MAGEA11: variants seen among roughly 807,000 people sequenced by gnomAD.
MAGEA11 encodes MAGE family member A11.
Under a neutral mutation model 8.4 loss-of-function variants are expected in MAGEA11, and 1 was observed. The observed-to-expected ratio is 0.12, with a 90% CI of 0.04 to 0.57. The LOEUF (loss-of-function observed/expected upper bound fraction) is 0.57. MAGEA11 is among the 20% of genes least tolerant of loss of function. The pLI is 0.91. For missense variants in MAGEA11, 209 were observed against 317.3 expected, an observed-to-expected ratio of 0.66 and a Z score of 2.59; for synonymous variants, 127 against 119.3, an observed-to-expected ratio of 1.06 and a Z score of -0.42.
chrX:149,695,002 G>A (rs1443953596), intron 1 of MAGEA11, among the ~76,000 whole-genome samples: 1 of 111,831 alleles, frequency 8.9e-6, no homozygotes, highest in Non-Finnish European at 1.9e-5. Flanking sequence ...TTACAGGCAT[G>A]AGCCACCACA....
At chrX:149,711,855 C>G (rs1207918123), upstream of MAGEA11, 1 of 717,406 alleles carries the variant, frequency 1.4e-6, no homozygotes. Flanking sequence ...GGTCAGAAAC[C>G]TGAGGGAGGA....
chrX:149,696,137 CTGGAG>C (rs2090329515), intron 1 of MAGEA11, among the ~76,000 whole-genome samples: 1 of 111,345 alleles, frequency 9.0e-6, no homozygotes, highest in Non-Finnish European at 1.9e-5. Context: ...GGAGCATTGC[CTGGAG>C]TCCAGAAGCA....
intron 1 of MAGEA11, among the ~76,000 whole-genome samples, chrX:149,695,851 T>C (rs1489834545): frequency 2.7e-5 from 3 of 112,069 alleles, no homozygotes; most frequent in Middle Eastern, 4.2e-3. Context: ...GCTCTTGCTA[T>C]GTGGTATGAT....
chrX:149,704,900 A>G (rs967539511), intron 1 of MAGEA11, among the ~76,000 whole-genome samples: 2 of 112,907 alleles, frequency 1.8e-5, no homozygotes, highest in Admixed American at 1.9e-4. Context: ...CGCAGTGCTC[A>G]TGAGACATGT....
At chrX:149,710,617 T>G (rs2090395573), upstream of MAGEA11, among the ~76,000 whole-genome samples, 1 of 110,571 alleles carries the variant, frequency 9.0e-6, no homozygotes, top group Non-Finnish European at 1.9e-5. Flanking sequence ...CCCAGCTAAT[T>G]TTTCATTTCT....
intron 1 of MAGEA11, among the ~76,000 whole-genome samples, chrX:149,700,298 C>T (rs1028933425): frequency 1.8e-5 from 2 of 112,447 alleles, no homozygotes; most frequent in Non-Finnish European, 3.8e-5. Context: ...ATAGGGTCAT[C>T]AACATGTCTC....
upstream of MAGEA11, chrX:149,712,017 A>T (rs1190266563): frequency 2.9e-5 from 22 of 746,253 alleles, no homozygotes; most frequent in Non-Finnish European, 3.5e-5. Flanking sequence ...CTCCTGCTGT[A>T]AATCCAGGGA....
intron 3 of MAGEA11, 51 bp from the exon 4 acceptor site, chrX:149,715,553 T>A: frequency 1.1e-6 from 1 of 948,091 alleles, no homozygotes; most frequent in Non-Finnish European, 1.5e-6. Context: ...TGGAGCCTCC[T>A]GCTCTGATGT....
upstream of MAGEA11, among the ~76,000 whole-genome samples, chrX:149,709,245 A>G (rs2090389627): frequency 1.9e-5 from 2 of 107,751 alleles, no homozygotes; most frequent in Admixed American, 2.0e-4. Flanking sequence ...AGATTGTGCC[A>G]TTGCACTCCA....
chrX:149,697,388 G>A lies in MAGEA11; in HGVS notation c.9+8404G>A, dbSNP rs138035997. Among the ~76,000 whole-genome samples, 341 of 111,375 alleles carry A rather than the reference G, an allele frequency of 3.1e-3. 1 individual carries two copies. The highest frequency in any genetic ancestry group is 0.01 in the African/African-American group (315 of 30,619). The stretch of plus-strand genomic sequence containing the variant: ...TCTCCTTCCAGTCTTTTCCTGCTAC[G>A]TGCAAGGCCCCACAGTTTTTGCTCT... On this transcript the variant is annotated intron_variant, in intron 1 of 3. Transcript: ENST00000333104.
At position 149,690,340 on chromosome X, in the gene MAGEA11, T is replaced by C. The variant is rs187263673; in HGVS notation, c.9+1356T>C. Among the ~76,000 whole-genome samples the C allele has an allele frequency of 6.5e-4, 73 of 112,786 alleles. 2 individuals are homozygous for C. In the East Asian group the frequency reaches 0.011, roughly 18 times the overall value. ...ATAAGAGTTTCTCATTTAAGGAATA[T>C]TACAGAGTAATTGTCTGGAGTTCAC... is the stretch of plus-strand genomic sequence containing the variant. On this transcript the variant is annotated intron_variant, in intron 1 of 3. Coordinates refer to the MAGEA11 transcript ENST00000333104.
intron 1 of MAGEA11, among the ~76,000 whole-genome samples, chrX:149,691,163 A>AT (rs57954283): frequency 4.6e-4 from 50 of 107,586 alleles, no homozygotes; most frequent in Admixed American, 5.9e-4. Flanking sequence ...TTGTTTTGCG[A>AT]TTTTTTTTTT....
chrX:149,707,963 G>T (rs1417543381), upstream of MAGEA11, among the ~76,000 whole-genome samples: 3 of 112,358 alleles, frequency 2.7e-5, no homozygotes, highest in Admixed American at 2.8e-4. Context: ...TTTTAATGAG[G>T]TTATTTGTTT....
intron 1 of MAGEA11, among the ~76,000 whole-genome samples, chrX:149,712,547 G>A (rs2090406790): frequency 1.8e-5 from 2 of 111,441 alleles, no homozygotes; most frequent in African/African-American, 6.5e-5. Flanking sequence ...TCTGAAGGGC[G>A]GCTTGTGACC....
chrX:149,711,980 G>A (rs1242935310), upstream of MAGEA11: 6 of 625,085 alleles, frequency 9.6e-6, no homozygotes, highest in Non-Finnish European at 1.1e-5. Flanking sequence ...GCCTCGCCCC[G>A]CCCCCACACG....
upstream of MAGEA11, among the ~76,000 whole-genome samples, chrX:149,708,068 T>A (rs1557361620): frequency 8.9e-6 from 1 of 112,683 alleles, no homozygotes; most frequent in Non-Finnish European, 1.9e-5. Flanking sequence ...TTCTGCAGGT[T>A]GTCTGCTTAC....
At position 149,715,636 on chromosome X, in the gene MAGEA11, G is replaced by A. The variant is rs1358330855; in HGVS notation, c.225G>A (p.Arg75=). 5.0e-6 allele frequency: 6 copies of A among 1,207,329 alleles called. No individual in the cohort carries two copies. Among genetic ancestry groups the A allele is most frequent in the Non-Finnish European group, 6.7e-6 (6 of 893,350 alleles). Residue 75 remains arginine (R), a synonymous_variant, in exon 4 of 5, where the codon AGG becomes AGA. Transcript: ENST00000355220. ...VFREQANLED[R]SPRRTQRITG... The stretch of plus-strand genomic sequence containing the variant: ...GAGAACAGGCCAACCTGGAGGACAG[G>A]AGTCCCAGGAGAACCCAGAGGATCA...
chrX:149,702,487 G>A (rs913946717), intron 1 of MAGEA11, among the ~76,000 whole-genome samples: 1 of 110,530 alleles, frequency 9.0e-6, no homozygotes, highest in Non-Finnish European at 1.9e-5. Context: ...AGCCATTCCA[G>A]CTCTCTTTTG....
chrX:149,706,561 C>A (rs1557361485), intron 1 of MAGEA11, among the ~76,000 whole-genome samples: 1 of 112,647 alleles, frequency 8.9e-6, no homozygotes, highest in Admixed American at 9.4e-5. Context: ...AGGAAACTCA[C>A]CAAATGGCTA....
Sources: gnomAD v4.1 joint callset for allele counts (sites outside exome capture counted in the v4.1 genomes callset) on GRCh38, gnomAD v4.1.1 for gene constraint, MANE v1.5 for transcripts, NCBI Gene and HGNC (gene_info 2026-07-23, HGNC 2026-07-21) for gene names.